RBM44: variants seen among roughly 807,000 people sequenced by gnomAD.
RBM44 encodes the protein RNA-binding protein 44.
A neutral mutation model predicts 105.1 loss-of-function variants in RBM44; 66 were observed. The observed-to-expected ratio is 0.63, with a 90% CI of 0.52 to 0.77. RBM44 has a LOEUF of 0.77. Ranked by LOEUF, RBM44 falls within the 30% of genes least tolerant of loss-of-function variation. The pLI, the probability that RBM44 is intolerant of heterozygous loss-of-function variation, is 0.00. For missense variants in RBM44, 1,122 were observed against 1,207.8 expected (o/e 0.93, Z 1.05); for synonymous variants, 365 against 417.6 (o/e 0.87, Z 1.54).
chr2:237,807,699 G>C (rs1348043715), intron 1 of RBM44, among the ~76,000 whole-genome samples: 1 of 152,174 alleles, frequency 6.6e-6, no homozygotes, highest in African/African-American at 2.4e-5. Context: ...TGAGACCCAA[G>C]GAATAGATTA....
Position 237,803,478 on chromosome 2 carries a change from G to A in RBM44, c.-19+4617G>A, listed in dbSNP as rs2061568140. The stretch of plus-strand genomic sequence containing the variant: ...GTTGAGCATGTTTTCATACCTATAA[G>A]CAATTTAAAAAATCTATTTGTACAA... On this transcript the variant is annotated intron_variant, in intron 1 of 15. Transcript: ENST00000316997. The surrounding 1 kb of genome is among the most constrained non-coding windows in gnomAD (Gnocchi z 4.2). 6.6e-6 allele frequency among the ~76,000 whole-genome samples: 1 copy of A among 152,096 alleles called. No homozygotes were observed. Among genetic ancestry groups the A allele is most frequent in the African/African-American group, 2.4e-5 (1 of 41,388 alleles).
chr2:237,818,681 T>TA lies in RBM44; in HGVS notation c.1677+87dup. ...TGTAAGTGTTTTTGGTTCGTTGAAT[T>TA]AAGGCTTTTGTGAGAAGATGCTAGA... On this transcript the variant is annotated intron_variant, in intron 3 of 15. Coordinates refer to ENST00000316997, the MANE Select transcript of RBM44 (RefSeq NM_001080504.3). The surrounding 1 kb of genome is among the most constrained non-coding windows in gnomAD (Gnocchi z 4.6). 4.2e-6 allele frequency: 4 copies of TA among 963,638 alleles called. No homozygotes were observed. The highest frequency in any genetic ancestry group is 6.0e-6 in the Non-Finnish European group (4 of 672,100). 59.7% of individuals were successfully genotyped at this position (963,638 alleles called of 1,614,324 possible).
intron 8 of RBM44, among the ~76,000 whole-genome samples, chr2:237,823,107 T>C (rs540630205): frequency 6.7e-6 from 1 of 149,710 alleles, no homozygotes; most frequent in Admixed American, 6.7e-5. Context: ...GTGATAAATA[T>C]TTGTGTATAT....
chr2:237,841,584 A>C lies in RBM44; in HGVS notation c.*23-255A>C, dbSNP rs1259007713. On this transcript the variant is annotated intron_variant, in intron 15 of 15. Transcript: ENST00000316997. The surrounding 1 kb of genome is among the most constrained non-coding windows in gnomAD (Gnocchi z 4.5). ...CCCTGAAACTAAAACAGAAGTTTAAAATAAAATATCTGATTTTTCTTTATT... is the reference window on the plus strand; with the variant it reads ...CCCTGAAACTAAAACAGAAGTTTAACATAAAATATCTGATTTTTCTTTATT... Among the ~76,000 whole-genome samples, 1 of 152,204 alleles carries C rather than the reference A, an allele frequency of 6.6e-6. No individual in the cohort carries two copies. The highest frequency in any genetic ancestry group is 2.4e-5 in the African/African-American group (1 of 41,440).
chr2:237,823,524 G>C lies in RBM44; in HGVS notation c.2290G>C (p.Asp764His). ...CTTTAAAAATGGTGATATAAATGCA[G>C]ACTTTAGTCAACTGAAACTTGGTGA... Reference protein sequence around the residue: ...DDFKNGDINADFSQLKLGDKD... With the variant: ...DDFKNGDINAHFSQLKLGDKD... The change falls in exon 9 of 16, where the codon GAC becomes CAC. Residue 764 changes from aspartate to histidine, a missense_variant. Transcript: ENST00000316997. The C allele has an allele frequency of 6.6e-7, 1 of 1,526,158 alleles. No individual in the cohort carries two copies. Among genetic ancestry groups the C allele is most frequent in the Non-Finnish European group, 8.9e-7 (1 of 1,123,046 alleles). 94.5% of individuals were successfully genotyped at this position (1,526,158 alleles called of 1,614,324 possible). A position where few individuals can be genotyped will look rare whatever the true frequency, so the allele number is the denominator to read the frequency against.
rs764060287 is a variant in RBM44, at chr2:237,824,334, T to G, written c.2364T>G (p.Ala788=). 4 of 1,612,982 alleles carry G rather than the reference T, an allele frequency of 2.5e-6. No individual in the cohort carries two copies. The highest frequency in any genetic ancestry group is 2.5e-6 in the Non-Finnish European group (3 of 1,179,360). The part of the protein sequence containing the change: ...YQETSEDWSD[A]KESLTGVDVS... ...AGACAAGCGAAGACTGGTCTGATGCTAAAGAGAGCCTGACAGGAGTTGACG... is the reference window on the plus strand; with the variant it reads ...AGACAAGCGAAGACTGGTCTGATGCGAAAGAGAGCCTGACAGGAGTTGACG... The change falls in exon 10 of 16, where the codon GCT becomes GCG. Residue 788 remains alanine (A), a synonymous_variant. Transcript: ENST00000316997.
chr2:237,821,277 T>G (rs1559915457), intron 6 of RBM44, 23 bp downstream of exon 6: 1 of 1,556,064 alleles, frequency 6.4e-7, no homozygotes, highest in South Asian at 1.2e-5. Context: ...GTTTTAGAAA[T>G]AAAAAATTTT....
At chr2:237,802,600 G>A (rs534981928) in intron 1 of RBM44, among the ~76,000 whole-genome samples, 2 of 152,222 alleles carry the variant, frequency 1.3e-5, no homozygotes, top group South Asian at 4.2e-4. Flanking sequence ...TCTTATATCA[G>A]GTAAGTTTGG....
At chr2:237,799,464 T>C (rs2061523377) in intron 1 of RBM44, 1 of 152,244 alleles carries the variant, frequency 6.6e-6, no homozygotes, top group Non-Finnish European at 1.5e-5. Flanking sequence ...GCCTGACTTT[T>C]TGCATTTTTT....
intron 12 of RBM44, 50 bp from the exon 13 acceptor site, chr2:237,829,167 G>A: frequency 7.1e-7 from 1 of 1,410,956 alleles, no homozygotes; most frequent in Non-Finnish European, 9.6e-7. Context: ...TAAGTTTGAT[G>A]TAATTTGAAG....
chr2:237,836,143 G>A (rs1053099889), intron 15 of RBM44, among the ~76,000 whole-genome samples: 1 of 152,166 alleles, frequency 6.6e-6, no homozygotes, highest in Non-Finnish European at 1.5e-5. Context: ...TCTCTTGTTA[G>A]GGGCTAATGC....
chr2:237,812,402 C>T lies in RBM44; in HGVS notation c.-18-1190C>T, dbSNP rs76134308. Among the ~76,000 whole-genome samples, 17 of 152,062 alleles carry T rather than the reference C, an allele frequency of 1.1e-4. No individual in the cohort carries two copies. In the East Asian group the frequency reaches 2.7e-3, roughly 24 times the overall value. ...TTTTGGATGTAACTTTGACCATGTC[C>T]CGTAGATTTTGGTAGTCTGTATTCT... is the stretch of plus-strand genomic sequence containing the variant. On this transcript the variant is annotated intron_variant, in intron 1 of 15. Coordinates refer to ENST00000316997, the MANE Select transcript of RBM44 (RefSeq NM_001080504.3).
At chr2:237,833,448 G>A (rs12328839) in intron 13 of RBM44, among the ~76,000 whole-genome samples, 8,061 of 152,226 alleles carry the variant, frequency 0.053, 704 homozygotes, top group African/African-American at 0.18. Flanking sequence ...TCTGTTTTAT[G>A]TCACTATAGT....
rs1481681250 is a variant in RBM44 at position 237,818,892 on chromosome 2, T to C, written c.1678-9T>C. ...CTTTTTTAAATTTAATTTTAAATCA[T>C]ATTTTCAGGATTTCCTGGAATTAAG... On this transcript the variant is annotated splice_polypyrimidine_tract_variant and intron_variant, in intron 3 of 15. Transcript: ENST00000316997. The surrounding 1 kb of genome is among the most constrained non-coding windows in gnomAD (Gnocchi z 4.6). 2 of 1,389,094 alleles carry C rather than the reference T, an allele frequency of 1.4e-6. No homozygotes were observed. Among genetic ancestry groups the C allele is most frequent in the Non-Finnish European group, 2.0e-6 (2 of 1,010,926 alleles). The allele number at this position is 1,389,094 out of a possible 1,614,324, so 86.0% of individuals were successfully genotyped here.
chr2:237,821,263 A>G lies in RBM44; in HGVS notation c.2097+9A>G. 2.5e-6 allele frequency: 4 copies of G among 1,573,254 alleles called. No homozygotes were observed. Among genetic ancestry groups the G allele is most frequent in the Non-Finnish European group, 1.7e-6 (2 of 1,159,978 alleles). Reference sequence around the variant, plus strand: ...CTACTTTTGCTTCCAGGGTATGTATATATGTTTTAGAAATAAAAAATTTTA... The same window carrying G: ...CTACTTTTGCTTCCAGGGTATGTATGTATGTTTTAGAAATAAAAAATTTTA... On this transcript the variant is annotated intron_variant, in intron 6 of 15. Coordinates refer to ENST00000316997, the MANE Select transcript of RBM44 (RefSeq NM_001080504.3).
intron 13 of RBM44, among the ~76,000 whole-genome samples, chr2:237,833,512 A>G (rs781125025): frequency 6.4e-4 from 98 of 152,354 alleles, no homozygotes; most frequent in Non-Finnish European, 9.8e-4. Flanking sequence ...TATTCATTAC[A>G]TACAGCATAT....
At position 237,834,427 on chromosome 2, in the gene RBM44, A is replaced by T. The variant is rs2061936219; in HGVS notation, c.*22+4A>T. ...GAATTCAAAAAACAATAAAGAGGTA[A>T]AGTAATCATATTCTTTTGTATTTGA... is the stretch of plus-strand genomic sequence containing the variant. On this transcript the variant is annotated splice_donor_region_variant and intron_variant, in intron 15 of 15. Transcript: ENST00000316997. 1.4e-6 allele frequency: 2 copies of T among 1,401,994 alleles called. No homozygotes were observed. The highest frequency in any genetic ancestry group is 2.9e-5 in the South Asian group (2 of 68,072). The allele number at this position is 1,401,994 out of a possible 1,614,324, so 86.8% of individuals were successfully genotyped here. A position where few individuals can be genotyped will look rare whatever the true frequency, so the allele number is the denominator to read the frequency against.
intron 2 of RBM44, 38 bp from the exon 3 acceptor site, chr2:237,816,955 A>G: frequency 1.6e-6 from 2 of 1,258,806 alleles, no homozygotes; most frequent in South Asian, 1.7e-5. Flanking sequence ...TAGATTCTGT[A>G]ATGTTGCTGT....
At position 237,821,319 on chromosome 2, in the gene RBM44, A is replaced by AT. The variant is rs376362180; in HGVS notation, c.2098-19dup. On this transcript the variant is annotated intron_variant, in intron 6 of 15. Transcript: ENST00000316997. ...TTTAGACAAAACATTTTAAACAAAG[A>AT]TTTTTTTTCCTTTTCTCTCCTTCCA... 1.2e-4 allele frequency: 186 copies of AT among 1,560,640 alleles called. No individual in the cohort carries two copies. The African/African-American group carries it at 1.6e-3, about 14-fold the overall frequency.
Sources: allele counts gnomAD v4.1 joint callset (sites outside exome capture counted in the v4.1 genomes callset), GRCh38; gene constraint gnomAD v4.1.1; non-coding constraint Gnocchi (gnomAD v3.1); transcripts MANE v1.5; gene names NCBI Gene and HGNC (gene_info 2026-07-23, HGNC 2026-07-21).